INPP5K: variants seen among roughly 807,000 people sequenced by gnomAD.
INPP5K encodes the protein inositol polyphosphate 5-phosphatase K.
In INPP5K, 35 loss-of-function variants were observed where a neutral mutation model predicts 53.5. The ratio of observed to expected loss-of-function variants is 0.65; its 90% CI spans 0.50 to 0.87. The LOEUF is 0.87. Among genes scored for constraint, INPP5K ranks in the 40% least tolerant of loss-of-function variants. The pLI, the probability that INPP5K is intolerant of heterozygous loss-of-function variation, is 0.00. For missense variants in INPP5K, 550 were observed against 586.2 expected (o/e 0.94, Z 0.64); for synonymous variants, 253 against 232.8 (o/e 1.09, Z -0.79).
At chr17:1,509,622 C>T (rs936181299) in intron 4 of INPP5K, 61 bp downstream of exon 4, 15 of 1,140,734 alleles carry the variant, frequency 1.3e-5, no homozygotes, top group Middle Eastern at 2.0e-4. Flanking sequence ...TTTTCTTTTG[C>T]CCAGCTCCAC....
intron 1 of INPP5K, chr17:1,516,155 C>T (rs2150997000): frequency 1.6e-6 from 2 of 1,261,254 alleles, no homozygotes; most frequent in East Asian, 3.3e-5. Context: ...TAACCGAGAG[C>T]CGAAGGGTGA....
chr17:1,514,059 C>T (rs1257838059), intron 1 of INPP5K, 80 bp from the exon 2 acceptor site: 1 of 916,202 alleles, frequency 1.1e-6, no homozygotes, highest in East Asian at 2.7e-5. Context: ...CAGAGGCTCA[C>T]ACGTTGTCAT....
intron 3 of INPP5K, 98 bp downstream of exon 3, chr17:1,513,355 G>T: frequency 1.0e-6 from 1 of 994,334 alleles, no homozygotes; most frequent in Non-Finnish European, 1.6e-6. Context: ...AGCATGAAAG[G>T]CTGAGCAGGA....
At chr17:1,498,243 A>G in intron 7 of INPP5K, 121 bp from the exon 8 acceptor site, 1 of 842,738 alleles carries the variant, frequency 1.2e-6, no homozygotes, top group South Asian at 1.7e-5. Flanking sequence ...TGGCAGCCAC[A>G]GACCCCCGGG....
intron 1 of INPP5K, 36 bp downstream of exon 1, chr17:1,516,420 C>A: frequency 6.3e-7 from 1 of 1,576,468 alleles, no homozygotes; most frequent in Non-Finnish European, 8.6e-7. Context: ...CCGATCCCCC[C>A]GAGCAGGCCT....
chr17:1,503,974 C>T (rs2075096992), intron 7 of INPP5K, among the ~76,000 whole-genome samples: 1 of 152,196 alleles, frequency 6.6e-6, no homozygotes, highest in South Asian at 2.1e-4. Context: ...GATTGGAAAG[C>T]CCGCCTTTCT....
rs1267930167 is a variant in INPP5K, at chr17:1,513,452, C to T, written c.261+1G>A. Reference sequence around the variant, plus strand: ...CAAGTGCCAATGAACTGGCAAGTTACCTTGATGAAGCTCAGAGGGGAAAGC... The same window carrying T: ...CAAGTGCCAATGAACTGGCAAGTTATCTTGATGAAGCTCAGAGGGGAAAGC... On this transcript the variant is annotated splice_donor_variant, in intron 3 of 11. Transcript: ENST00000421807. LOFTEE classifies it high-confidence loss of function. 1 of 1,613,286 alleles carries T rather than the reference C, an allele frequency of 6.2e-7. No individual in the cohort carries two copies. The highest frequency in any genetic ancestry group is 1.1e-5 in the South Asian group (1 of 91,064).
At position 1,508,990 on chromosome 17, in the gene INPP5K, C is replaced by G. The variant is rs1365107957; in HGVS notation, c.554+188G>C. On this transcript the variant is annotated intron_variant, in intron 5 of 11. Transcript: ENST00000421807. ...GAGGGCGGGGAACAGTCTGCAGACC[C>G]AGGCTCACTCGTGGCGGTCAGCGTG... The G allele has an allele frequency of 1.8e-4, 102 of 555,652 alleles. 1 individual carries two copies. The highest frequency in any genetic ancestry group is 6.7e-4 in the Admixed American group (22 of 33,036). The allele number at this position is 555,652 out of a possible 1,614,324, so 34.4% of individuals were successfully genotyped here.
chr17:1,496,600 G>A lies in INPP5K; in HGVS notation c.1101+66C>T, dbSNP rs893893684. On this transcript the variant is annotated intron_variant, in intron 9 of 11. Transcript: ENST00000421807. ...TTCGTCAGCATCTGCCCAGCTCCCA[G>A]GAGCCCTCGGGAAGGATGAACCAGG... 81 of 1,584,594 alleles carry A rather than the reference G, an allele frequency of 5.1e-5. No homozygotes were observed. In the South Asian group the frequency reaches 8.4e-4, roughly 16 times the overall value.
At chr17:1,516,015 G>A in intron 1 of INPP5K, 1 of 1,006,748 alleles carries the variant, frequency 9.9e-7, no homozygotes, top group Non-Finnish European at 1.2e-6. Context: ...TGAAAGAGCA[G>A]GCAAGAGACC....
intron 7 of INPP5K, among the ~76,000 whole-genome samples, chr17:1,506,011 A>G (rs1855881018): frequency 6.6e-6 from 1 of 152,142 alleles, no homozygotes; most frequent in Non-Finnish European, 1.5e-5. Context: ...ACGGGAAGAC[A>G]TGAATCTATT....
intron 7 of INPP5K, 79 bp from the exon 8 acceptor site, chr17:1,498,201 A>C: frequency 1.6e-6 from 2 of 1,250,478 alleles, no homozygotes; most frequent in Non-Finnish European, 2.2e-6. Context: ...AGCCCACATG[A>C]GCTTGCTGGA....
Position 1,508,156 on chromosome 17 carries a change from T to C in INPP5K, c.625A>G (p.Ile209Val), listed in dbSNP as rs745853561. 9 of 1,614,018 alleles carry C rather than the reference T, an allele frequency of 5.6e-6. No homozygotes were observed. Among genetic ancestry groups the C allele is most frequent in the Admixed American group, 1.7e-5 (1 of 59,998 alleles). The change falls in exon 6 of 12, where the codon ATT (isoleucine) becomes GTT (valine). Residue 209 changes from isoleucine to valine, a missense_variant. Ile to Val is a conservative substitution (Grantham distance 29). Transcript: ENST00000421807. ...DFGLHFVRES[I>V]KNRCYGGLWE... ...AGGCCACCGTAGCACCGATTTTTAATGGATTCCCGAACAAAGTGCAACCCA... is the reference window on the plus strand; with the variant it reads ...AGGCCACCGTAGCACCGATTTTTAACGGATTCCCGAACAAAGTGCAACCCA...
In INPP5K at chr17:1,516,001, C is replaced by A. The variant is rs547129948; in HGVS notation, c.44+455G>T. 2.6e-5 allele frequency: 26 copies of A among 999,138 alleles called. No homozygotes were observed. In the African/African-American group the frequency reaches 4.2e-4, roughly 16 times the overall value. The allele number at this position is 999,138 out of a possible 1,614,324, so 61.9% of individuals were successfully genotyped here. A position where few individuals can be genotyped will look rare whatever the true frequency, so the allele number is the denominator to read the frequency against. ...ACTAAGTGGGCGATTAGCGTTGTTC[C>A]CCGTGAAAGAGCAGGCAAGAGACCA... On this transcript the variant is annotated intron_variant, in intron 1 of 11. Coordinates refer to ENST00000421807, the MANE Select transcript of INPP5K (RefSeq NM_016532.4).
chr17:1,505,429 G>A (rs148049861), intron 7 of INPP5K, among the ~76,000 whole-genome samples: 4 of 152,150 alleles, frequency 2.6e-5, no homozygotes, highest in African/African-American at 7.2e-5. Flanking sequence ...GTTTCCAATG[G>A]ATGGCTGCAG....
intron 6 of INPP5K, 140 bp from the exon 7 acceptor site, chr17:1,507,229 A>G: frequency 1.6e-6 from 1 of 631,862 alleles, no homozygotes; most frequent in Non-Finnish European, 2.8e-6. Context: ...TCACTGCCCC[A>G]GTGACTACTC....
chr17:1,512,182 G>A (rs1396354117), intron 3 of INPP5K, among the ~76,000 whole-genome samples: 1 of 152,198 alleles, frequency 6.6e-6, no homozygotes, highest in South Asian at 2.1e-4. Context: ...TGGGTAGAAA[G>A]GGCTGTGTCT....
At chr17:1,510,777 C>T (rs1177901673) in intron 3 of INPP5K, among the ~76,000 whole-genome samples, 2 of 152,138 alleles carry the variant, frequency 1.3e-5, no homozygotes, top group Non-Finnish European at 2.9e-5. Context: ...CAGGTGTGCA[C>T]CAACATGCCC....
At chr17:1,511,562 T>A (rs1270225433) in intron 3 of INPP5K, among the ~76,000 whole-genome samples, 1 of 152,102 alleles carries the variant, frequency 6.6e-6, no homozygotes, top group Non-Finnish European at 1.5e-5. Flanking sequence ...AGGGGGAACC[T>A]CAAACCCAGC....
Sources: allele counts gnomAD v4.1 joint callset (sites outside exome capture counted in the v4.1 genomes callset), GRCh38; gene constraint gnomAD v4.1.1; transcripts MANE v1.5; gene names NCBI Gene and HGNC (gene_info 2026-07-23, HGNC 2026-07-21).